The following DCBLD2 variants were observed in gnomAD, a reference collection of about 807,000 sequenced individuals.
The protein encoded by DCBLD2 is discoidin, CUB and LCCL domain containing 2, also known as discoidin, CUB and LCCL domain-containing protein 2.
DCBLD2 carries 54 observed loss-of-function variants against 86.8 expected under a neutral mutation model. The ratio of observed to expected loss-of-function variants is 0.62; its 90% confidence interval spans 0.50 to 0.78. The LOEUF is 0.78. Among genes scored for constraint, DCBLD2 ranks in the 30% least tolerant of loss-of-function variants. The probability of loss-of-function intolerance (pLI) is 0.00; values close to 1 mark genes in which losing one functional copy is unlikely to be tolerated. For synonymous variants in DCBLD2, 354 were observed against 341.3 expected (o/e 1.04, Z -0.41); for missense variants, 908 against 954.2 (o/e 0.95, Z 0.64).
chr3:98,825,640 TA>T (rs1942202267), intron 3 of DCBLD2, among the ~76,000 whole-genome samples: 1 of 61,896 alleles, frequency 1.6e-5, no homozygotes, highest in Non-Finnish European at 3.1e-5. Context: ...TGTATATGTG[TA>T]TTTATATATA....
At chr3:98,892,733 C>A (rs1046988607) in intron 1 of DCBLD2, among the ~76,000 whole-genome samples, 3 of 152,110 alleles carry the variant, frequency 2.0e-5, no homozygotes, top group African/African-American at 4.8e-5. Flanking sequence ...TTTCTGTTCT[C>A]TATAACCTCA....
chr3:98,804,990 C>T (rs911987678), intron 13 of DCBLD2: 4 of 152,048 alleles, frequency 2.6e-5, no homozygotes, highest in Non-Finnish European at 4.4e-5. Flanking sequence ...AAATATGGAA[C>T]GCTTCATGAA....
chr3:98,844,176 G>A (rs537490559), intron 3 of DCBLD2, among the ~76,000 whole-genome samples: 2 of 151,914 alleles, frequency 1.3e-5, no homozygotes, highest in South Asian at 2.1e-4. Flanking sequence ...TAAAAAATTC[G>A]TCACCCAGAA....
At chr3:98,895,530 T>C (rs1943737702) in intron 1 of DCBLD2, 1 of 152,220 alleles carries the variant, frequency 6.6e-6, no homozygotes, top group Non-Finnish European at 1.5e-5. Flanking sequence ...TCTTCAAATA[T>C]CTGCTGTTCC....
At chr3:98,809,948 G>A (rs1318600517) in intron 12 of DCBLD2, among the ~76,000 whole-genome samples, 2 of 152,198 alleles carry the variant, frequency 1.3e-5, no homozygotes, top group Admixed American at 1.3e-4. Flanking sequence ...GATGGATGCT[G>A]TGTGATTTAA....
At chr3:98,870,121 G>T (rs1943231818) in intron 2 of DCBLD2, among the ~76,000 whole-genome samples, 1 of 146,670 alleles carries the variant, frequency 6.8e-6, no homozygotes, top group African/African-American at 2.6e-5. Context: ...TTTGTAGACG[G>T]TGAGAGATAG....
Position 98,797,222 on chromosome 3 carries a change from A to C in DCBLD2, c.*2150T>G, listed in dbSNP as rs980566902. ...GGTAGTTCAAGGATAGCACAGTGGC[A>C]ATATGAATCGAGTCTTAAAATATGC... is the stretch of plus-strand genomic sequence containing the variant. On this transcript the variant is annotated 3_prime_UTR_variant, in exon 16 of 16. Transcript: ENST00000326840. 4.0e-5 allele frequency: 6 copies of C among 151,872 alleles called. No homozygotes were observed. The highest frequency in any genetic ancestry group is 1.2e-4 in the African/African-American group (5 of 41,332). 9.4% of individuals were successfully genotyped at this position (151,872 alleles called of 1,614,324 possible). A position where few individuals can be genotyped will look rare whatever the true frequency, so the allele number is the denominator to read the frequency against.
intron 2 of DCBLD2, among the ~76,000 whole-genome samples, chr3:98,873,415 G>A (rs528452007): frequency 5.3e-5 from 8 of 152,110 alleles, no homozygotes; most frequent in African/African-American, 1.9e-4. Flanking sequence ...TCATACATTA[G>A]CTTATAAAGT....
intron 3 of DCBLD2, among the ~76,000 whole-genome samples, chr3:98,827,675 T>C (rs115775428): frequency 1.7e-3 from 252 of 152,364 alleles, no homozygotes; most frequent in Admixed American, 6.5e-3. Context: ...GTACACACTT[T>C]GACCTTTACA....
chr3:98,855,672 A>G (rs1012395719), intron 2 of DCBLD2, among the ~76,000 whole-genome samples: 7 of 152,254 alleles, frequency 4.6e-5, no homozygotes, highest in Non-Finnish European at 8.8e-5. Context: ...AAGAGCATAT[A>G]GGTTTTTACC....
At chr3:98,861,950 A>G (rs1943052562) in intron 2 of DCBLD2, among the ~76,000 whole-genome samples, 1 of 152,212 alleles carries the variant, frequency 6.6e-6, no homozygotes. Context: ...GGTTTTTTGA[A>G]AAGATCAACA....
chr3:98,838,854 G>C (rs555099524), intron 3 of DCBLD2, among the ~76,000 whole-genome samples: 5 of 152,180 alleles, frequency 3.3e-5, no homozygotes, highest in Admixed American at 2.6e-4. Context: ...AGACCGGCCC[G>C]GCCAACACAG....
At chr3:98,836,973 C>T (rs1181251181) in intron 3 of DCBLD2, among the ~76,000 whole-genome samples, 1 of 76,510 alleles carries the variant, frequency 1.3e-5, no homozygotes, top group African/African-American at 5.8e-5. Context: ...CAGAGGGGCT[C>T]CTCACTTCCC....
At chr3:98,862,129 T>C (rs1404067688) in intron 2 of DCBLD2, among the ~76,000 whole-genome samples, 2 of 151,524 alleles carry the variant, frequency 1.3e-5, no homozygotes, top group African/African-American at 2.4e-5. Flanking sequence ...CTAGAAGAAA[T>C]GGATAAGTTC....
intron 2 of DCBLD2, among the ~76,000 whole-genome samples, chr3:98,870,806 A>AAAGAAAGAAAGAAAGAAAGGAAGGAAGG (rs1559794673): frequency 2.4e-5 from 3 of 123,300 alleles, no homozygotes; most frequent in Admixed American, 8.1e-5. Flanking sequence ...AGAAAGAAAG[A>AAAGAAAGAAAGAAAGAAAGGAAGGAAGG]AAGAAAGGTA....
chr3:98,880,902 T>C (rs901857072), intron 2 of DCBLD2, among the ~76,000 whole-genome samples: 6 of 152,150 alleles, frequency 3.9e-5, no homozygotes, highest in East Asian at 1.9e-4. Flanking sequence ...TAATTATACT[T>C]GTATTCTTCA....
Position 98,864,040 on chromosome 3 carries a change from G to A in DCBLD2, c.434-14442C>T, listed in dbSNP as rs370646824. 7.6e-4 allele frequency among the ~76,000 whole-genome samples: 116 copies of A among 152,176 alleles called. 1 individual carries two copies. Among genetic ancestry groups the A allele is most frequent in the Middle Eastern group, 6.8e-3 (2 of 294 alleles). ...AAAACAACCCCATCAACAAGTGGGC[G>A]AACGATATGAACAGACACTTCTCAA... On this transcript the variant is annotated intron_variant, in intron 2 of 15. Transcript: ENST00000326840.
At chr3:98,808,050 T>C in intron 13 of DCBLD2, 31 bp downstream of exon 13, 1 of 1,480,556 alleles carries the variant, frequency 6.8e-7, no homozygotes, top group Non-Finnish European at 9.0e-7. Context: ...TTTGGTAGTT[T>C]TGGACTCAGG....
chr3:98,900,476 A>G (rs55650073), intron 1 of DCBLD2, among the ~76,000 whole-genome samples: 19,404 of 146,946 alleles, frequency 0.13, 1,327 homozygotes, highest in Middle Eastern at 0.19. Context: ...TTGTAGGTGG[A>G]AAAAAAAAAA....
Sources: gnomAD v4.1 joint callset for allele counts (sites outside exome capture counted in the v4.1 genomes callset) on GRCh38, gnomAD v4.1.1 for gene constraint, MANE v1.5 for transcripts, NCBI Gene and HGNC (gene_info 2026-07-23, HGNC 2026-07-21) for gene names.